The following DNAH14 variants were observed in gnomAD, a reference collection of about 807,000 sequenced individuals.
DNAH14 encodes axonemal beta dynein heavy chain 14.
In DNAH14, 478 loss-of-function variants were observed where a neutral mutation model predicts 520.9. That is an observed-to-expected ratio of 0.92 (90% CI 0.85 to 0.99). The LOEUF (loss-of-function observed/expected upper bound fraction) is 0.99. DNAH14 is among the 50% of genes least tolerant of loss of function. The probability of loss-of-function intolerance (pLI) is 0.00; values close to 1 mark genes in which losing one functional copy is unlikely to be tolerated. For missense variants in DNAH14, 4,831 were observed against 5,234.5 expected, an observed-to-expected ratio of 0.92 and a Z score of 2.38; for synonymous variants, 1,581 against 1,757.2, an observed-to-expected ratio of 0.90 and a Z score of 2.51.
At chr1:225,369,479 CAT>C (rs59948265) in intron 77 of DNAH14, among the ~76,000 whole-genome samples, 60,913 of 150,166 alleles carry the variant, frequency 0.41, 12,578 homozygotes, top group South Asian at 0.56. Context: ...CATATTGTAG[CAT>C]ATATATATAT....
chr1:225,353,750 G>C, intron 72 of DNAH14, 53 bp from the exon 73 acceptor site: 2 of 929,878 alleles, frequency 2.2e-6, no homozygotes, highest in South Asian at 1.6e-5. Context: ...ATGTTTTAAT[G>C]ATAAAAAGTA....
chr1:225,144,362 C>T, intron 28 of DNAH14, 35 bp from the exon 29 acceptor site: 1 of 1,426,810 alleles, frequency 7.0e-7, no homozygotes, highest in Non-Finnish European at 9.6e-7. Flanking sequence ...AATAATTTAA[C>T]CAAATAATAT....
At chr1:225,282,442 G>A (rs1553447) in intron 54 of DNAH14, among the ~76,000 whole-genome samples, 18,402 of 152,206 alleles carry the variant, frequency 0.12, 1,304 homozygotes, top group East Asian at 0.33. Flanking sequence ...TGGAAAGGAA[G>A]CTTGAACAAT....
At chr1:225,011,009 G>A (rs2064678676) in intron 10 of DNAH14, among the ~76,000 whole-genome samples, 1 of 150,290 alleles carries the variant, frequency 6.7e-6, no homozygotes, top group African/African-American at 2.5e-5. Context: ...AGTCTGGCTA[G>A]TGGTCTATCC....
intron 60 of DNAH14, 105 bp from the exon 61 acceptor site, chr1:225,318,478 A>C: frequency 1.0e-6 from 1 of 987,402 alleles, no homozygotes; most frequent in Non-Finnish European, 1.5e-6. Flanking sequence ...ACTTATGGGC[A>C]TTGTAAAAAT....
intron 41 of DNAH14, among the ~76,000 whole-genome samples, chr1:225,212,522 A>G (rs2149459114): frequency 6.6e-6 from 1 of 152,282 alleles, no homozygotes; most frequent in South Asian, 2.1e-4. Flanking sequence ...AGTCCCACCA[A>G]CAGTGTAAAA....
At chr1:225,079,586 A>T (rs1442343144) in intron 18 of DNAH14, 38 bp downstream of exon 18, 4 of 1,459,878 alleles carry the variant, frequency 2.7e-6, no homozygotes, top group Non-Finnish European at 3.6e-6. Context: ...TTTTTTTATT[A>T]AAAACTTGAT....
chr1:224,958,085 A>G (rs996760993), intron 3 of DNAH14, among the ~76,000 whole-genome samples: 8 of 152,090 alleles, frequency 5.3e-5, no homozygotes, highest in Non-Finnish European at 1.2e-4. Flanking sequence ...ATGGGTGCAC[A>G]TGTGGGTTGC....
intron 41 of DNAH14, among the ~76,000 whole-genome samples, chr1:225,222,056 C>T (rs981419806): frequency 3.5e-4 from 54 of 152,168 alleles, no homozygotes; most frequent in African/African-American, 1.1e-3. Context: ...CCCCTAGCCA[C>T]GCTGTCAGGC....
intron 1 of DNAH14, among the ~76,000 whole-genome samples, chr1:224,934,792 C>T (rs1290285218): frequency 6.6e-6 from 1 of 151,830 alleles, no homozygotes; most frequent in African/African-American, 2.4e-5. Context: ...AGATCCTTGT[C>T]ACCTATAAAG....
At chr1:225,310,468 C>CT (rs1313817564) in intron 60 of DNAH14, among the ~76,000 whole-genome samples, 1 of 152,124 alleles carries the variant, frequency 6.6e-6, no homozygotes, top group Non-Finnish European at 1.5e-5. Flanking sequence ...TTTTATTTTA[C>CT]TTTAAGTTCT....
At chr1:225,049,142 C>T (rs2068255671) in intron 15 of DNAH14, among the ~76,000 whole-genome samples, 1 of 146,788 alleles carries the variant, frequency 6.8e-6, no homozygotes, top group African/African-American at 2.6e-5. Context: ...TCACTGCAAC[C>T]TCCACCTCCC....
chr1:225,392,003 G>C (rs1188463570), intron 83 of DNAH14, among the ~76,000 whole-genome samples: 1 of 152,082 alleles, frequency 6.6e-6, no homozygotes, highest in Non-Finnish European at 1.5e-5. Context: ...AAATGGAGAG[G>C]GTCTCAGAAT....
intron 46 of DNAH14, among the ~76,000 whole-genome samples, chr1:225,263,703 A>C (rs1558195138): frequency 6.6e-6 from 1 of 152,138 alleles, no homozygotes; most frequent in Non-Finnish European, 1.5e-5. Flanking sequence ...AATGAAAATC[A>C]TTCTTTATCT....
chr1:225,293,227 G>A (rs1398832249), intron 55 of DNAH14, among the ~76,000 whole-genome samples: 1 of 152,150 alleles, frequency 6.6e-6, no homozygotes, highest in Non-Finnish European at 1.5e-5. Flanking sequence ...GTTGGTGGGT[G>A]TGTAAATTGG....
intron 75 of DNAH14, among the ~76,000 whole-genome samples, chr1:225,361,654 C>A (rs1172761692): frequency 1.3e-5 from 2 of 152,216 alleles, no homozygotes; most frequent in Non-Finnish European, 2.9e-5. Flanking sequence ...AATGCAACTG[C>A]ATGACTTAAA....
At chr1:225,310,806 C>T (rs772878674) in intron 60 of DNAH14, among the ~76,000 whole-genome samples, 40 of 152,112 alleles carry the variant, frequency 2.6e-4, no homozygotes, top group Non-Finnish European at 4.9e-4. Flanking sequence ...CATAGTATTC[C>T]ATGGTGTATA....
chr1:225,189,646 GT>G (rs1225619987), intron 37 of DNAH14, among the ~76,000 whole-genome samples: 3 of 151,560 alleles, frequency 2.0e-5, no homozygotes, highest in Non-Finnish European at 4.4e-5. Flanking sequence ...AAAAATCTTT[GT>G]TTTACTTTCA....
chr1:225,160,855 C>T (rs2081444951), intron 35 of DNAH14, among the ~76,000 whole-genome samples: 1 of 151,964 alleles, frequency 6.6e-6, no homozygotes, highest in Admixed American at 6.6e-5. Flanking sequence ...TTTTCTGTTT[C>T]CAAACTCTTT....
Sources: allele counts gnomAD v4.1 joint callset (sites outside exome capture counted in the v4.1 genomes callset), GRCh38; gene constraint gnomAD v4.1.1; transcripts MANE v1.5; gene names NCBI Gene and HGNC (gene_info 2026-07-23, HGNC 2026-07-21).